MRE11: variants seen among roughly 807,000 people sequenced by gnomAD.
The protein encoded by MRE11 is MRE11 double strand break repair nuclease.
Under a neutral mutation model 91.7 loss-of-function variants are expected in MRE11, and 62 were observed. The observed-to-expected ratio is 0.68, with a 90% confidence interval of 0.55 to 0.84. The LOEUF is 0.84. Among genes scored for constraint, MRE11 ranks in the 40% least tolerant of loss-of-function variants. The probability of loss-of-function intolerance (pLI) is 0.00; values close to 1 mark genes in which losing one functional copy is unlikely to be tolerated. For missense variants in MRE11, 796 were observed against 852.9 expected (o/e 0.93, Z 0.83); for synonymous variants, 273 against 271.4 (o/e 1.01, Z -0.06).
rs1216896055 is a variant in MRE11 at position 94,475,413 on chromosome 11, AC to A, written c.659+875del. The A allele has an allele frequency of 1.0e-4, 34 of 328,928 alleles. No homozygotes were observed. The Admixed American group carries it at 1.3e-3, about 12-fold the overall frequency. 20.4% of individuals were successfully genotyped at this position (328,928 alleles called of 1,614,324 possible). A position where few individuals can be genotyped will look rare whatever the true frequency, so the allele number is the denominator to read the frequency against. ...CAGGATTTTAGGTCCTGGACCGAAC[AC>A]CCCCCGTGGATACCAAGGGACAACT... On this transcript the variant is annotated intron_variant, in intron 7 of 19. Coordinates refer to ENST00000323929, the MANE Select transcript of MRE11 (RefSeq NM_005591.4).
At chr11:94,489,827 G>A (rs549284484) in intron 3 of MRE11, among the ~76,000 whole-genome samples, 4 of 152,134 alleles carry the variant, frequency 2.6e-5, no homozygotes, top group East Asian at 3.9e-4. Context: ...TAAGTTTGTC[G>A]AAATCAAACA....
chr11:94,466,406 G>C, intron 10 of MRE11: 1 of 486,884 alleles, frequency 2.1e-6, no homozygotes, highest in South Asian at 1.5e-5. Context: ...GCTTCACTAT[G>C]CCAGCGACAG....
chr11:94,497,163 G>A, upstream of MRE11: 1 of 611,678 alleles, frequency 1.6e-6, no homozygotes, highest in Non-Finnish European at 2.8e-6. Context: ...AAGATAGCAA[G>A]CAATCATCTA....
intron 19 of MRE11, among the ~76,000 whole-genome samples, chr11:94,423,602 C>T (rs898651837): frequency 6.6e-6 from 1 of 152,232 alleles, no homozygotes; most frequent in African/African-American, 2.4e-5. Context: ...TCCTCCCCTA[C>T]AGCCCCTTCC....
At chr11:94,486,129 AAAATTTTTGT>A in intron 3 of MRE11, 45 bp from the exon 4 acceptor site, 1 of 1,599,192 alleles carries the variant, frequency 6.3e-7, no homozygotes, top group Non-Finnish European at 8.5e-7. Flanking sequence ...TTTTACAGGT[AAAATTTTTGT>A]AAACTACAGA....
At position 94,465,395 on chromosome 11, in the gene MRE11, C is replaced by T. The variant is rs867189866; in HGVS notation, c.1099-1156G>A. 3.9e-3 allele frequency among the ~76,000 whole-genome samples: 500 copies of T among 127,944 alleles called. 4 individuals carry two copies. Among genetic ancestry groups the T allele is most frequent in the African/African-American group, 0.014 (440 of 32,490 alleles). 83.9% of individuals were successfully genotyped at this position (127,944 alleles called of 152,430 possible). On this transcript the variant is annotated intron_variant, in intron 10 of 19. Transcript: ENST00000323929. ...TTACCCAGACCATCTCTCTCTCTCT[C>T]TTTTTTTTTTTTTTTTTTTTGAGAT...
chr11:94,431,963 G>GAA (rs1004313697), intron 18 of MRE11, among the ~76,000 whole-genome samples: 1 of 145,368 alleles, frequency 6.9e-6, no homozygotes, highest in Non-Finnish European at 1.5e-5. Context: ...TCCATTTCTG[G>GAA]AAAAAAAAAA....
chr11:94,448,297 C>T (rs1256490926), intron 14 of MRE11, among the ~76,000 whole-genome samples: 1 of 151,702 alleles, frequency 6.6e-6, no homozygotes, highest in Non-Finnish European at 1.5e-5. Context: ...GAATTAAGGG[C>T]TGGGCGCAGT....
Position 94,417,905 on chromosome 11 carries a change from T to G in MRE11, c.*2220A>C, listed in dbSNP as rs1214847057. 1 of 232,970 alleles carries G rather than the reference T, an allele frequency of 4.3e-6. No homozygotes were observed. The highest frequency in any genetic ancestry group is 5.6e-5 in the Admixed American group (1 of 17,776). 14.4% of individuals were successfully genotyped at this position (232,970 alleles called of 1,614,324 possible). ...GGAATCTTTAACCTTGTAAATGCAC[T>G]GTTGTATTTTTATGATAGGAAATAA... is the stretch of plus-strand genomic sequence containing the variant. On this transcript the variant is annotated 3_prime_UTR_variant, in exon 20 of 20. Coordinates refer to ENST00000323929, the MANE Select transcript of MRE11 (RefSeq NM_005591.4).
At chr11:94,422,543 T>TA (rs35542392) in intron 19 of MRE11, among the ~76,000 whole-genome samples, 1 of 151,738 alleles carries the variant, frequency 6.6e-6, no homozygotes, top group African/African-American at 2.4e-5. Flanking sequence ...TGGTAGAAGC[T>TA]AAAAAAAATT....
chr11:94,501,905 A>G, the MRE11 span, among the ~76,000 whole-genome samples: 5 of 152,238 alleles, frequency 3.3e-5, no homozygotes, highest in Admixed American at 6.5e-5. Context: ...AAATATCAAT[A>G]TGAAATACAT....
At chr11:94,430,089 A>G (rs755125168) in intron 18 of MRE11, 103 bp from the exon 19 acceptor site, 3 of 1,034,998 alleles carry the variant, frequency 2.9e-6, no homozygotes, top group South Asian at 2.6e-5. Flanking sequence ...ACGAATATAA[A>G]TAACACACAA....
chr11:94,509,686 C>T, the MRE11 span, among the ~76,000 whole-genome samples: 3 of 152,110 alleles, frequency 2.0e-5, no homozygotes, highest in African/African-American at 7.2e-5. Context: ...ATGATCCACT[C>T]GCCTCAGCCT....
chr11:94,456,416 GA>G, intron 13 of MRE11, 78 bp from the exon 14 acceptor site: 1 of 1,110,406 alleles, frequency 9.0e-7, no homozygotes, highest in Non-Finnish European at 1.4e-6. Flanking sequence ...CTACAATTAA[GA>G]AATGCTTTAT....
intron 11 of MRE11, among the ~76,000 whole-genome samples, chr11:94,462,096 A>C (rs898858349): frequency 1.3e-5 from 2 of 152,112 alleles, no homozygotes; most frequent in African/African-American, 4.8e-5. Context: ...AATAAAAACA[A>C]AATCAATGTG....
chr11:94,449,576 T>G (rs1946039850), intron 14 of MRE11, among the ~76,000 whole-genome samples: 1 of 152,226 alleles, frequency 6.6e-6, no homozygotes, highest in African/African-American at 2.4e-5. Context: ...TTTCCACTTG[T>G]GTACTTTAAA....
At chr11:94,479,327 T>C (rs896925473) in intron 5 of MRE11, among the ~76,000 whole-genome samples, 8 of 152,290 alleles carry the variant, frequency 5.3e-5, no homozygotes, top group African/African-American at 1.9e-4. Context: ...GATTTAAAGA[T>C]GGTCTTGAAC....
At chr11:94,508,041 C>T in the MRE11 span, among the ~76,000 whole-genome samples, 1 of 152,084 alleles carries the variant, frequency 6.6e-6, no homozygotes, top group African/African-American at 2.4e-5. Flanking sequence ...GTGATCGTAG[C>T]TCAGTGCAGC....
chr11:94,432,355 T>C (rs1219893225), intron 18 of MRE11, among the ~76,000 whole-genome samples: 1 of 152,192 alleles, frequency 6.6e-6, no homozygotes, highest in Admixed American at 6.5e-5. Flanking sequence ...CTTTATTGTT[T>C]TTTTCTACTC....
Sources: gnomAD v4.1 joint callset for allele counts (sites outside exome capture counted in the v4.1 genomes callset) on GRCh38, gnomAD v4.1.1 for gene constraint, MANE v1.5 for transcripts, NCBI Gene and HGNC (gene_info 2026-07-23, HGNC 2026-07-21) for gene names.